Variants in PKIG observed in about 807,000 individuals in gnomAD.
PKIG encodes protein kinase (cAMP-dependent, catalytic) inhibitor gamma.
PKIG carries 1 observed loss-of-function variant against 6.8 expected under a neutral mutation model. The observed-to-expected ratio is 0.15, with a 90% CI of 0.05 to 0.69. PKIG has a LOEUF of 0.69. Among genes scored for constraint, PKIG ranks in the 30% least tolerant of loss-of-function variants. The pLI is 0.82. For missense variants in PKIG, 77 were observed against 104.0 expected (o/e 0.74, Z 1.13); for synonymous variants, 39 against 43.0 (o/e 0.91, Z 0.36).
chr20:44,544,198 A>T (rs1188323612), intron 1 of PKIG, among the ~76,000 whole-genome samples: 1 of 152,172 alleles, frequency 6.6e-6, no homozygotes, highest in Admixed American at 6.6e-5. Context: ...TTAGTAGGGC[A>T]ATGTGATGCC....
At chr20:44,583,155 C>A (rs2064962320) in intron 1 of PKIG, among the ~76,000 whole-genome samples, 1 of 152,046 alleles carries the variant, frequency 6.6e-6, no homozygotes, top group South Asian at 2.1e-4. Flanking sequence ...TGAAAATTCC[C>A]TATTATCTTC....
intron 1 of PKIG, among the ~76,000 whole-genome samples, chr20:44,572,313 G>A (rs1362883514): frequency 2.6e-5 from 4 of 152,052 alleles, no homozygotes; most frequent in Admixed American, 6.6e-5. Flanking sequence ...GTCAATATAC[G>A]TGTTAAATTA....
intron 1 of PKIG, among the ~76,000 whole-genome samples, chr20:44,561,141 G>C (rs2064763421): frequency 6.6e-6 from 1 of 152,192 alleles, no homozygotes; most frequent in Non-Finnish European, 1.5e-5. Context: ...TTCAAGACCA[G>C]CCTGACCAAC....
intron 2 of PKIG, among the ~76,000 whole-genome samples, chr20:44,610,490 T>TC (rs2065206600): frequency 4.3e-5 from 5 of 116,716 alleles, no homozygotes; most frequent in African/African-American, 8.2e-5. Flanking sequence ...CTCTCTTCTC[T>TC]CTCTCTCTCT....
intron 3 of PKIG, among the ~76,000 whole-genome samples, chr20:44,615,690 C>T (rs1041713513): frequency 6.6e-6 from 1 of 152,206 alleles, no homozygotes; most frequent in Non-Finnish European, 1.5e-5. Flanking sequence ...ACTGTCTCCC[C>T]GTGGGCTGTC....
At chr20:44,536,079 G>A (rs999193749) in intron 1 of PKIG, among the ~76,000 whole-genome samples, 5 of 152,152 alleles carry the variant, frequency 3.3e-5, no homozygotes, top group African/African-American at 1.2e-4. Context: ...TTTCTGTGAC[G>A]GGCTTATTTC....
chr20:44,544,045 C>G (rs2008240465), intron 1 of PKIG, among the ~76,000 whole-genome samples: 1 of 135,814 alleles, frequency 7.4e-6, no homozygotes, highest in Non-Finnish European at 1.6e-5. Context: ...ACCTGGGCAA[C>G]AAGAGCAAAA....
intron 1 of PKIG, among the ~76,000 whole-genome samples, chr20:44,545,197 A>G (rs2064602352): frequency 1.3e-5 from 2 of 151,834 alleles, no homozygotes; most frequent in African/African-American, 2.4e-5. Flanking sequence ...TGGCCTCCCA[A>G]AGTGCTGGGG....
At chr20:44,578,561 T>G (rs993383741), upstream of PKIG, among the ~76,000 whole-genome samples, 1 of 149,804 alleles carries the variant, frequency 6.7e-6, no homozygotes, top group Non-Finnish European at 1.5e-5. Flanking sequence ...CCTCTCACAC[T>G]TGCTCTCCAT....
At chr20:44,563,820 T>C (rs1367199376) in intron 1 of PKIG, among the ~76,000 whole-genome samples, 2 of 152,118 alleles carry the variant, frequency 1.3e-5, no homozygotes, top group Non-Finnish European at 2.9e-5. Flanking sequence ...CATGAGCCAC[T>C]GCACCTGGCT....
At chr20:44,575,017 G>A (rs1293342389) in intron 1 of PKIG, among the ~76,000 whole-genome samples, 1 of 151,942 alleles carries the variant, frequency 6.6e-6, no homozygotes, top group East Asian at 1.9e-4. Flanking sequence ...TCCAAACAAG[G>A]ACCTCACATT....
At chr20:44,556,869 A>G (rs1227520882) in intron 1 of PKIG, among the ~76,000 whole-genome samples, 1 of 152,154 alleles carries the variant, frequency 6.6e-6, no homozygotes, top group Non-Finnish European at 1.5e-5. Flanking sequence ...CCTTTGGAAT[A>G]TGCCATGCTT....
At position 44,614,179 on chromosome 20, in the gene PKIG, C is replaced by T; in HGVS notation, c.-23-355C>T. The stretch of plus-strand genomic sequence containing the variant: ...TAGGTACGAGGTGACTTTATGCCAC[C>T]TGTAGTAGATGGTAAGCTCTGTGAG... On this transcript the variant is annotated intron_variant, in intron 2 of 3. Transcript: ENST00000372886. The surrounding 1 kb of genome is among the most constrained non-coding windows in gnomAD (Gnocchi z 4.6). 5.0e-6 allele frequency: 1 copy of T among 200,406 alleles called. No homozygotes were observed. The highest frequency in any genetic ancestry group is 1.0e-5 in the Non-Finnish European group (1 of 98,286). 12.4% of individuals were successfully genotyped at this position (200,406 alleles called of 1,614,324 possible).
At chr20:44,556,258 A>G (rs946690833) in intron 1 of PKIG, among the ~76,000 whole-genome samples, 2 of 152,246 alleles carry the variant, frequency 1.3e-5, no homozygotes, top group African/African-American at 4.8e-5. Context: ...GCTTAAAAAA[A>G]GTGTGTTTGG....
intron 1 of PKIG, among the ~76,000 whole-genome samples, chr20:44,569,645 T>C (rs2064838248): frequency 6.6e-6 from 1 of 152,202 alleles, no homozygotes; most frequent in South Asian, 2.1e-4. Context: ...TTACTCTTGT[T>C]GCCCAGGCTG....
rs182282599 is a variant in PKIG, at chr20:44,548,829, G to A, written c.-241+16851G>A. Among the ~76,000 whole-genome samples the A allele has an allele frequency of 1.3e-3, 186 of 144,150 alleles. 2 individuals are homozygous for A. The highest frequency in any genetic ancestry group is 3.6e-3 in the Middle Eastern group (1 of 274). 94.6% of individuals were successfully genotyped at this position (144,150 alleles called of 152,430 possible). A position where few individuals can be genotyped will look rare whatever the true frequency, so the allele number is the denominator to read the frequency against. On this transcript the variant is annotated intron_variant, in intron 1 of 4. Coordinates refer to the PKIG transcript ENST00000372887. ...ACTATAAAGAATTCTAATTATGTAG[G>A]ACATTCATCCAGCCACTCCTCCCAC...
At chr20:44,557,801 G>A (rs927630164) in intron 1 of PKIG, among the ~76,000 whole-genome samples, 1 of 151,990 alleles carries the variant, frequency 6.6e-6, no homozygotes, top group Non-Finnish European at 1.5e-5. Flanking sequence ...TCCAGCCTGG[G>A]TGGCAGAGCA....
intron 2 of PKIG, among the ~76,000 whole-genome samples, chr20:44,608,540 G>A (rs2065186738): frequency 6.6e-6 from 1 of 152,106 alleles, no homozygotes; most frequent in South Asian, 2.1e-4. Flanking sequence ...CAGTGGCTTA[G>A]GCCTGTAATC....
intron 1 of PKIG, among the ~76,000 whole-genome samples, chr20:44,560,430 G>C (rs981627347): frequency 2.6e-5 from 4 of 152,176 alleles, no homozygotes; most frequent in African/African-American, 9.7e-5. Context: ...CACACCAGGT[G>C]AAAAGGGAAG....
Sources: gnomAD v4.1 joint callset for allele counts (sites outside exome capture counted in the v4.1 genomes callset) on GRCh38, gnomAD v4.1.1 for gene constraint, Gnocchi (gnomAD v3.1) non-coding constraint, MANE v1.5 for transcripts, NCBI Gene and HGNC (gene_info 2026-07-23, HGNC 2026-07-21) for gene names.